MTR: variants seen among roughly 807,000 people sequenced by gnomAD.
MTR encodes the protein methionine synthase.
MTR carries 84 observed loss-of-function variants against 154.8 expected under a neutral mutation model. The ratio of observed to expected loss-of-function variants is 0.54; its 90% CI spans 0.45 to 0.65. The LOEUF is 0.65. Among genes scored for constraint, MTR ranks in the 30% least tolerant of loss-of-function variants. The pLI is 0.00. For missense variants in MTR, 1,275 were observed against 1,570.2 expected, an observed-to-expected ratio of 0.81 and a Z score of 3.18; for synonymous variants, 554 against 553.9, an observed-to-expected ratio of 1.00 and a Z score of 0.00.
At chr1:236,815,581 G>A (rs768019559) in intron 6 of MTR, 23 bp from the exon 7 acceptor site, 4 of 1,613,040 alleles carry the variant, frequency 2.5e-6, no homozygotes, top group Non-Finnish European at 2.5e-6. Flanking sequence ...AAATAAAGAC[G>A]TTCTTTCTTT....
At position 236,884,439 on chromosome 1, in the gene MTR, G is replaced by C. The variant is rs185148410; in HGVS notation, c.2677-682G>C. Among the ~76,000 whole-genome samples, 24 of 152,308 alleles carry C rather than the reference G, an allele frequency of 1.6e-4. No homozygotes were observed. In the East Asian group the frequency reaches 4.4e-3, roughly 28 times the overall value. ...TTCAAAGTTTCACTAGAAGGACACA[G>C]AGAACCCAGAAACACTGTTATGACC... is the stretch of plus-strand genomic sequence containing the variant. On this transcript the variant is annotated intron_variant, in intron 25 of 32. Coordinates refer to ENST00000366577, the MANE Select transcript of MTR (RefSeq NM_000254.3).
chr1:236,808,825 A>C, intron 4 of MTR, 52 bp downstream of exon 4: 1 of 1,530,340 alleles, frequency 6.5e-7, no homozygotes, highest in Non-Finnish European at 9.1e-7. Context: ...TGATACTGTC[A>C]GCTATAATGT....
At chr1:236,824,362 G>A in intron 9 of MTR, 143 bp downstream of exon 9, 1 of 785,544 alleles carries the variant, frequency 1.3e-6, no homozygotes, top group Non-Finnish European at 2.2e-6. Context: ...GTGTCTGGGT[G>A]CAGTGTTTCC....
chr1:236,809,435 C>T (rs58897835), intron 4 of MTR, among the ~76,000 whole-genome samples: 16,862 of 152,128 alleles, frequency 0.11, 2,175 homozygotes, highest in African/African-American at 0.31. Context: ...CCCCTTAAGA[C>T]TTGGAAACGT....
intron 8 of MTR, among the ~76,000 whole-genome samples, chr1:236,821,419 A>G (rs1422435285): frequency 6.6e-6 from 1 of 152,242 alleles, no homozygotes; most frequent in Non-Finnish European, 1.5e-5. Flanking sequence ...TTTAAATTTC[A>G]ACATGAATTT....
chr1:236,811,154 A>C (rs1047555768), intron 5 of MTR, among the ~76,000 whole-genome samples: 12 of 152,126 alleles, frequency 7.9e-5, no homozygotes, highest in African/African-American at 2.7e-4. Flanking sequence ...AGGCAAAGAG[A>C]AAGCTTGTAC....
In MTR at chr1:236,900,585, T is replaced by A. The variant is rs1041697006; in HGVS notation, c.*2941T>A. 1.3e-5 allele frequency: 2 copies of A among 152,184 alleles called. No homozygotes were observed. Among genetic ancestry groups the A allele is most frequent in the Non-Finnish European group, 2.9e-5 (2 of 68,040 alleles). The allele number at this position is 152,184 out of a possible 1,614,324, so 9.4% of individuals were successfully genotyped here. On this transcript the variant is annotated 3_prime_UTR_variant, in exon 33 of 33. Coordinates refer to ENST00000366577, the MANE Select transcript of MTR (RefSeq NM_000254.3). ...CTATTAATACATTATACTTTATAAC[T>A]AATAGATAACAGTTTTTTACATATT... is the stretch of plus-strand genomic sequence containing the variant.
At chr1:236,846,033 G>T (rs1225477278) in intron 15 of MTR, among the ~76,000 whole-genome samples, 4 of 152,202 alleles carry the variant, frequency 2.6e-5, no homozygotes, top group Non-Finnish European at 4.4e-5. Context: ...TTGAGTGTTT[G>T]GTTAATGTCT....
At chr1:236,837,379 C>G (rs904203631) in intron 14 of MTR, among the ~76,000 whole-genome samples, 4 of 152,204 alleles carry the variant, frequency 2.6e-5, no homozygotes, top group Non-Finnish European at 5.9e-5. Flanking sequence ...CTGGATTTTC[C>G]TGCCCCATTC....
intron 18 of MTR, among the ~76,000 whole-genome samples, chr1:236,853,465 C>T (rs1005267601): frequency 1.1e-4 from 16 of 152,070 alleles, no homozygotes; most frequent in African/African-American, 3.4e-4. Context: ...TTTGTTATAA[C>T]CTTTAAGTGA....
At chr1:236,852,827 G>A (rs1448790848) in intron 17 of MTR, 121 bp from the exon 18 acceptor site, 6 of 1,238,602 alleles carry the variant, frequency 4.8e-6, no homozygotes, top group East Asian at 2.4e-5. Context: ...ACAAAGTTGA[G>A]TAGCTGTGAC....
intron 4 of MTR, among the ~76,000 whole-genome samples, chr1:236,809,793 T>C (rs997790589): frequency 1.1e-4 from 16 of 152,292 alleles, no homozygotes; most frequent in African/African-American, 3.6e-4. Flanking sequence ...TCAAAGGTAA[T>C]GAGCAGTACA....
At chr1:236,822,781 A>G (rs926799835) in intron 8 of MTR, among the ~76,000 whole-genome samples, 1 of 152,228 alleles carries the variant, frequency 6.6e-6, no homozygotes, top group African/African-American at 2.4e-5. Flanking sequence ...TTTGTGAAGA[A>G]AGACAGTTTT....
chr1:236,836,562 T>C (rs1480440528), intron 14 of MTR, among the ~76,000 whole-genome samples: 1 of 152,216 alleles, frequency 6.6e-6, no homozygotes, highest in Non-Finnish European at 1.5e-5. Context: ...GTTCTTCTTT[T>C]TTAAAGAAAC....
intron 18 of MTR, among the ~76,000 whole-genome samples, chr1:236,856,584 A>G (rs1664219154): frequency 6.6e-6 from 1 of 150,400 alleles, no homozygotes; most frequent in African/African-American, 2.5e-5. Context: ...CAGAATGTGC[A>G]GGTTTGTTAC....
intron 15 of MTR, among the ~76,000 whole-genome samples, chr1:236,841,514 A>G (rs555771584): frequency 6.6e-6 from 1 of 152,178 alleles, no homozygotes; most frequent in African/African-American, 2.4e-5. Context: ...TCTCCCTCCA[A>G]GTCTTCTGAC....
At chr1:236,811,630 C>A (rs1460854575) in intron 5 of MTR, 1 of 456,202 alleles carries the variant, frequency 2.2e-6, no homozygotes, top group Admixed American at 2.3e-5. Context: ...GTTGTTGATG[C>A]TCTCTTTGGT....
chr1:236,806,626 C>G (rs1661000020), intron 3 of MTR, among the ~76,000 whole-genome samples: 1 of 152,070 alleles, frequency 6.6e-6, no homozygotes, highest in African/African-American at 2.4e-5. Context: ...TTTAAGTGTA[C>G]ACTTGAGTGG....
intron 22 of MTR, among the ~76,000 whole-genome samples, chr1:236,871,008 T>C (rs1194039217): frequency 6.6e-6 from 1 of 152,166 alleles, no homozygotes; most frequent in African/African-American, 2.4e-5. Context: ...GTCTCTCTGC[T>C]TCTCTACCCC....
Sources: allele counts gnomAD v4.1 joint callset (sites outside exome capture counted in the v4.1 genomes callset), GRCh38; gene constraint gnomAD v4.1.1; transcripts MANE v1.5; gene names NCBI Gene and HGNC (gene_info 2026-07-23, HGNC 2026-07-21).